SLC44A5: variants seen among roughly 807,000 people sequenced by gnomAD.
SLC44A5 encodes choline transporter-like protein 5.
SLC44A5 carries 57 observed loss-of-function variants against 101.8 expected under a neutral mutation model. The ratio of observed to expected loss-of-function variants is 0.56; its 90% CI spans 0.45 to 0.70. SLC44A5 has a LOEUF of 0.70. Ranked by LOEUF, SLC44A5 falls within the 30% of genes least tolerant of loss-of-function variation. SLC44A5 has a pLI of 0.00. For missense variants in SLC44A5, 737 were observed against 853.1 expected, an observed-to-expected ratio of 0.86 and a Z score of 1.70; for synonymous variants, 281 against 290.9, an observed-to-expected ratio of 0.97 and a Z score of 0.35.
chr1:75,213,825 A>C (rs908187274), intron 21 of SLC44A5, 32 bp from the exon 22 acceptor site: 2 of 1,562,166 alleles, frequency 1.3e-6, no homozygotes, highest in Non-Finnish European at 1.8e-6. Context: ...TGTATATTAT[A>C]CTTTTGCAAA....
chr1:75,274,111 T>C (rs1032972184), intron 6 of SLC44A5, among the ~76,000 whole-genome samples: 15 of 152,064 alleles, frequency 9.9e-5, no homozygotes, highest in Non-Finnish European at 2.1e-4. Flanking sequence ...ATAGACAACA[T>C]AACTGAAGTG....
intron 4 of SLC44A5, among the ~76,000 whole-genome samples, chr1:75,322,940 C>CT (rs1406180178): frequency 2.0e-5 from 3 of 152,040 alleles, no homozygotes; most frequent in African/African-American, 7.2e-5. Context: ...CTCTAATGTT[C>CT]TTTTTTTATT....
chr1:75,419,688 TAA>T (rs1438884416), intron 2 of SLC44A5, among the ~76,000 whole-genome samples: 4 of 152,158 alleles, frequency 2.6e-5, no homozygotes, highest in Non-Finnish European at 1.5e-5. Context: ...TCAGAAATGA[TAA>T]ATACATAGGT....
rs147742416 is a variant in SLC44A5, at chr1:75,362,629, A to C, written c.53-22999T>G. Among the ~76,000 whole-genome samples the C allele has an allele frequency of 3.9e-3, 591 of 151,988 alleles. 2 individuals are homozygous for C. Among genetic ancestry groups the C allele is most frequent in the African/African-American group, 0.014 (565 of 41,520 alleles). ...ATTTTCTGAAATTCATTCTTTTATG[A>C]TTTCTAGTTTTGTACCACTGTGAAC... On this transcript the variant is annotated intron_variant, in intron 3 of 23. Transcript: ENST00000370859.
rs371127081 is a variant in SLC44A5, at chr1:75,536,018, G to A, written c.13+5417C>T. 8.0e-5 allele frequency among the ~76,000 whole-genome samples: 12 copies of A among 149,868 alleles called. No individual in the cohort carries two copies. In the South Asian group the frequency reaches 2.5e-3, roughly 32 times the overall value. On this transcript the variant is annotated intron_variant, in intron 2 of 23. Coordinates refer to ENST00000370859, the MANE Select transcript of SLC44A5 (RefSeq NM_001130058.2). ...GAGCCCAGGAATTTGTGAGCAGCCT[G>A]GGCAACATAGCAAGACTTCGTCTCT...
At chr1:75,242,377 A>G (rs1212982061) in intron 8 of SLC44A5, among the ~76,000 whole-genome samples, 1 of 151,836 alleles carries the variant, frequency 6.6e-6, no homozygotes, top group Non-Finnish European at 1.5e-5. Flanking sequence ...TTTTTTCTAG[A>G]AAAACAACAT....
chr1:75,358,722 A>C (rs991146195), intron 3 of SLC44A5, among the ~76,000 whole-genome samples: 1 of 152,214 alleles, frequency 6.6e-6, no homozygotes, highest in African/African-American at 2.4e-5. Context: ...ATTTTTAACC[A>C]ACAAATCATA....
At chr1:75,586,715 A>G (rs1457309908) in intron 1 of SLC44A5, among the ~76,000 whole-genome samples, 2 of 152,260 alleles carry the variant, frequency 1.3e-5, no homozygotes, top group East Asian at 3.9e-4. Flanking sequence ...TTGAATTGAA[A>G]TGGACTAATA....
intron 3 of SLC44A5, among the ~76,000 whole-genome samples, chr1:75,363,777 C>G (rs1371864895): frequency 6.6e-6 from 1 of 152,094 alleles, no homozygotes; most frequent in Non-Finnish European, 1.5e-5. Flanking sequence ...TTTGTACTTT[C>G]ATGTGTTTTA....
the SLC44A5 span, among the ~76,000 whole-genome samples, chr1:75,690,390 A>G: frequency 6.6e-6 from 1 of 152,126 alleles, no homozygotes; most frequent in East Asian, 1.9e-4. Context: ...TCTCTCCTTT[A>G]ACACACGGGG....
At chr1:75,340,069 T>C (rs748937764) in intron 3 of SLC44A5, among the ~76,000 whole-genome samples, 3 of 152,218 alleles carry the variant, frequency 2.0e-5, no homozygotes, top group Non-Finnish European at 2.9e-5. Context: ...AGAGTTTCCT[T>C]CGAGAAGTTC....
intron 2 of SLC44A5, among the ~76,000 whole-genome samples, chr1:75,509,112 C>T (rs1232499428): frequency 6.6e-6 from 1 of 152,202 alleles, no homozygotes; most frequent in Non-Finnish European, 1.5e-5. Flanking sequence ...TTTTCTCAGG[C>T]ATATCCACAG....
chr1:75,320,464 C>T (rs1023525795), intron 4 of SLC44A5, among the ~76,000 whole-genome samples: 1 of 152,012 alleles, frequency 6.6e-6, no homozygotes, highest in Non-Finnish European at 1.5e-5. Context: ...TGCAAAAAAA[C>T]CAAATGCCTA....
At chr1:75,713,432 A>G in the SLC44A5 span, among the ~76,000 whole-genome samples, 1 of 152,152 alleles carries the variant, frequency 6.6e-6, no homozygotes, top group Non-Finnish European at 1.5e-5. Flanking sequence ...ATGACTACAT[A>G]TAAGATTTTG....
intron 2 of SLC44A5, among the ~76,000 whole-genome samples, chr1:75,503,308 C>A (rs1669069342): frequency 6.6e-6 from 1 of 152,002 alleles, no homozygotes; most frequent in South Asian, 2.1e-4. Context: ...GCTCTGTGTC[C>A]CCAACCATAT....
intron 1 of SLC44A5, among the ~76,000 whole-genome samples, chr1:75,554,037 G>A (rs1211095520): frequency 6.6e-6 from 1 of 152,146 alleles, no homozygotes; most frequent in East Asian, 1.9e-4. Context: ...TGAGGCCAAC[G>A]AAATTTGAAG....
the SLC44A5 span, among the ~76,000 whole-genome samples, chr1:75,672,569 C>T: frequency 1.0e-3 from 152 of 152,250 alleles, no homozygotes; most frequent in African/African-American, 3.5e-3. Context: ...CTGTGCTGGT[C>T]TTGGAGTCAG....
chr1:75,334,792 A>C (rs1276128873), intron 4 of SLC44A5, among the ~76,000 whole-genome samples: 1 of 152,156 alleles, frequency 6.6e-6, no homozygotes, highest in African/African-American at 2.4e-5. Flanking sequence ...CACCTATATA[A>C]AGGGGACATT....
At chr1:75,518,088 GC>G (rs1669932153) in intron 2 of SLC44A5, among the ~76,000 whole-genome samples, 1 of 152,188 alleles carries the variant, frequency 6.6e-6, no homozygotes, top group South Asian at 2.1e-4. Context: ...GAATTAATTG[GC>G]AAATATTGGC....
Sources: gnomAD v4.1 joint callset for allele counts (sites outside exome capture counted in the v4.1 genomes callset) on GRCh38, gnomAD v4.1.1 for gene constraint, MANE v1.5 for transcripts, NCBI Gene and HGNC (gene_info 2026-07-23, HGNC 2026-07-21) for gene names.